Variants in PGAP4 observed in about 807,000 individuals in gnomAD.
PGAP4 encodes the protein post-GPI attachment to proteins GalNAc transferase 4.
In PGAP4, 12 loss-of-function variants were observed where a neutral mutation model predicts 28.2. The ratio of observed to expected loss-of-function variants is 0.42; its 90% CI spans 0.27 to 0.69. The LOEUF is 0.69. Ranked by LOEUF, PGAP4 falls within the 30% of genes least tolerant of loss-of-function variation. The pLI is 0.22. For missense variants in PGAP4, 425 were observed against 513.5 expected, an observed-to-expected ratio of 0.83 and a Z score of 1.67; for synonymous variants, 205 against 211.8, an observed-to-expected ratio of 0.97 and a Z score of 0.28.
At chr9:101,518,539 T>C (rs566524775) in intron 2 of PGAP4, among the ~76,000 whole-genome samples, 26 of 152,342 alleles carry the variant, frequency 1.7e-4, no homozygotes, top group Non-Finnish European at 1.2e-4. Flanking sequence ...ATGATGAGAA[T>C]GTTCTCATAC....
At chr9:101,514,551 C>T (rs1022956681) in intron 2 of PGAP4, among the ~76,000 whole-genome samples, 6 of 151,882 alleles carry the variant, frequency 4.0e-5, no homozygotes, top group African/African-American at 1.2e-4. Flanking sequence ...TGCCTGTGTG[C>T]GTGTGTGTGC....
chr9:101,532,073 C>G (rs568772030), intron 1 of PGAP4, among the ~76,000 whole-genome samples: 39 of 152,208 alleles, frequency 2.6e-4, no homozygotes, highest in African/African-American at 8.2e-4. Flanking sequence ...AGTTTGAGAC[C>G]GGCCTAGCCA....
chr9:101,485,558 A>G (rs1826594271), intron 1 of PGAP4, among the ~76,000 whole-genome samples: 1 of 152,206 alleles, frequency 6.6e-6, no homozygotes, highest in African/African-American at 2.4e-5. Flanking sequence ...TGGGCAGAAG[A>G]ATTAACAATC....
chr9:101,496,077 G>A (rs1017490877), intron 2 of PGAP4, among the ~76,000 whole-genome samples: 1 of 151,438 alleles, frequency 6.6e-6, no homozygotes, highest in Non-Finnish European at 1.5e-5. Context: ...AGCATGGAAA[G>A]TTTTGGTTAT....
intron 2 of PGAP4, among the ~76,000 whole-genome samples, chr9:101,505,946 T>C (rs1165170543): frequency 6.6e-6 from 1 of 152,152 alleles, no homozygotes; most frequent in Non-Finnish European, 1.5e-5. Flanking sequence ...CTTCCAAATA[T>C]TGATTTTGCA....
At chr9:101,511,723 G>A (rs2118611258) in intron 2 of PGAP4, among the ~76,000 whole-genome samples, 1 of 152,218 alleles carries the variant, frequency 6.6e-6, no homozygotes, top group South Asian at 2.1e-4. Flanking sequence ...AACCTCTGAA[G>A]CCAGGAAAGT....
chr9:101,490,586 A>G (rs746109860), upstream of PGAP4, among the ~76,000 whole-genome samples: 3 of 152,194 alleles, frequency 2.0e-5, no homozygotes, highest in Non-Finnish European at 4.4e-5. Context: ...ATATGTGTGT[A>G]CTCACATGGA....
intron 2 of PGAP4, among the ~76,000 whole-genome samples, chr9:101,499,127 G>GA (rs1173781500): frequency 1.3e-5 from 2 of 151,610 alleles, no homozygotes; most frequent in Non-Finnish European, 2.9e-5. Context: ...GAAAAGACTG[G>GA]AAAAAAAAGT....
At chr9:101,506,922 T>G (rs991017784) in intron 2 of PGAP4, among the ~76,000 whole-genome samples, 2 of 152,134 alleles carry the variant, frequency 1.3e-5, no homozygotes, top group East Asian at 3.9e-4. Context: ...TTTACAAACC[T>G]TTAACAGGAT....
intron 1 of PGAP4, among the ~76,000 whole-genome samples, chr9:101,532,125 C>T (rs1827098744): frequency 6.6e-6 from 1 of 152,072 alleles, no homozygotes; most frequent in Admixed American, 6.5e-5. Context: ...CAAAAATTAG[C>T]CAGGTGTGGT....
intron 2 of PGAP4, among the ~76,000 whole-genome samples, chr9:101,525,010 C>A (rs1163658787): frequency 2.0e-5 from 3 of 152,164 alleles, no homozygotes; most frequent in Non-Finnish European, 2.9e-5. Flanking sequence ...ATCTCCAGTC[C>A]TTCGTTCATG....
Position 101,503,234 on chromosome 9 carries a change from A to G in PGAP4, c.-164-14034T>C, listed in dbSNP as rs1230339981. ...ACTAAAAAGCGATCTTACAAAAAAA[A>G]GCTTCAAGTTAAAGATGGCAAAGCA... On this transcript the variant is annotated intron_variant, in intron 2 of 3. Coordinates refer to the PGAP4 transcript ENST00000374851. Among the ~76,000 whole-genome samples the G allele has an allele frequency of 2.0e-5, 3 of 152,108 alleles. No homozygotes were observed. In the East Asian group the frequency reaches 5.8e-4, roughly 29 times the overall value.
At chr9:101,489,398 G>A (rs571860933), upstream of PGAP4, among the ~76,000 whole-genome samples, 1 of 152,146 alleles carries the variant, frequency 6.6e-6, no homozygotes, top group South Asian at 2.1e-4. Context: ...CAAAGGTGTG[G>A]GTGAAATTAA....
intron 2 of PGAP4, among the ~76,000 whole-genome samples, chr9:101,512,147 T>C (rs1456462302): frequency 6.6e-6 from 1 of 152,114 alleles, no homozygotes; most frequent in Non-Finnish European, 1.5e-5. Flanking sequence ...CAGGAAGCCA[T>C]TGTTTTGGAT....
intron 1 of PGAP4, among the ~76,000 whole-genome samples, chr9:101,484,619 G>T (rs908561611): frequency 6.6e-6 from 1 of 152,186 alleles, no homozygotes; most frequent in Non-Finnish European, 1.5e-5. Context: ...AGAAAAGACA[G>T]GAGAGATCAC....
At position 101,525,639 on chromosome 9, in the gene PGAP4, C is replaced by T. The variant is rs552767918; in HGVS notation, c.-165+5709G>A. On this transcript the variant is annotated intron_variant, in intron 2 of 3. Coordinates refer to the PGAP4 transcript ENST00000374851. ...GAGAGAATCACTTGAACCCGAGAGG[C>T]GGAGCTTGCAGTGAGACAAGATTGC... 8.1e-5 allele frequency among the ~76,000 whole-genome samples: 11 copies of T among 135,996 alleles called. No homozygotes were observed. In the South Asian group the frequency reaches 9.6e-4, roughly 12 times the overall value. 89.2% of individuals were successfully genotyped at this position (135,996 alleles called of 152,430 possible).
At chr9:101,480,419 A>G (rs1376935058) in intron 1 of PGAP4, among the ~76,000 whole-genome samples, 2 of 152,134 alleles carry the variant, frequency 1.3e-5, no homozygotes, top group Non-Finnish European at 2.9e-5. Flanking sequence ...GAGAGAAAAA[A>G]GGGGAATAGT....
chr9:101,477,137 T>A lies in PGAP4; in HGVS notation c.-45A>T. On this transcript the variant is annotated 5_prime_UTR_variant, in exon 2 of 2. Coordinates refer to ENST00000374848, the MANE Select transcript of PGAP4 (RefSeq NM_032342.3). ...GTCTGGTCCCAAGAAAAAACCATCC[T>A]GGAACTCAGGCCAGAGTCATCAGAA... 1 of 1,513,344 alleles carries A rather than the reference T, an allele frequency of 6.6e-7. No individual in the cohort carries two copies. The highest frequency in any genetic ancestry group is 8.8e-7 in the Non-Finnish European group (1 of 1,133,730). The allele number at this position is 1,513,344 out of a possible 1,614,324, so 93.7% of individuals were successfully genotyped here. A position where few individuals can be genotyped will look rare whatever the true frequency, so the allele number is the denominator to read the frequency against.
intron 2 of PGAP4, among the ~76,000 whole-genome samples, chr9:101,505,214 C>T (rs1167106207): frequency 1.3e-5 from 2 of 151,032 alleles, no homozygotes; most frequent in Non-Finnish European, 3.0e-5. Flanking sequence ...ACAAAAGTGG[C>T]ATTTTTTTTT....
Sources: gnomAD v4.1 joint callset for allele counts (sites outside exome capture counted in the v4.1 genomes callset) on GRCh38, gnomAD v4.1.1 for gene constraint, MANE v1.5 for transcripts, NCBI Gene and HGNC (gene_info 2026-07-23, HGNC 2026-07-21) for gene names.